KCNH7: variants seen among roughly 807,000 people sequenced by gnomAD.
KCNH7 encodes the protein voltage-gated inwardly rectifying potassium channel KCNH7.
Under a neutral mutation model 120.8 loss-of-function variants are expected in KCNH7, and 49 were observed. The observed-to-expected ratio is 0.41, with a 90% CI of 0.32 to 0.51. The LOEUF (loss-of-function observed/expected upper bound fraction) is 0.51. Ranked by LOEUF, KCNH7 falls within the 20% of genes least tolerant of loss-of-function variation. The pLI is 0.38. For missense variants in KCNH7, 1,097 were observed against 1,446.6 expected (o/e 0.76, Z 3.92); for synonymous variants, 547 against 516.1 (o/e 1.06, Z -0.81).
intron 2 of KCNH7, among the ~76,000 whole-genome samples, chr2:162,703,423 G>A (rs916768285): frequency 6.6e-6 from 1 of 152,008 alleles, no homozygotes; most frequent in African/African-American, 2.4e-5. Flanking sequence ...TTCCTCAAAG[G>A]GATAGAGTCC....
chr2:162,644,173 C>T (rs1684269631), intron 2 of KCNH7, among the ~76,000 whole-genome samples: 1 of 152,106 alleles, frequency 6.6e-6, no homozygotes, highest in Non-Finnish European at 1.5e-5. Context: ...AAAGACTGCG[C>T]TGTATCTGTG....
chr2:162,622,163 A>G (rs932798110), intron 2 of KCNH7, among the ~76,000 whole-genome samples: 1 of 152,192 alleles, frequency 6.6e-6, no homozygotes, highest in Non-Finnish European at 1.5e-5. Context: ...CAAATATACA[A>G]TACTTCTGTG....
At chr2:162,509,157 A>G (rs1168878179) in intron 5 of KCNH7, among the ~76,000 whole-genome samples, 2 of 151,574 alleles carry the variant, frequency 1.3e-5, no homozygotes, top group Non-Finnish European at 3.0e-5. Context: ...ATGAAGCTAG[A>G]GGCTAAAGCA....
intron 2 of KCNH7, among the ~76,000 whole-genome samples, chr2:162,672,870 G>A (rs946261627): frequency 6.6e-6 from 1 of 151,744 alleles, no homozygotes; most frequent in Non-Finnish European, 1.5e-5. Flanking sequence ...AATTAAGAAA[G>A]AAAAACAGCT....
intron 6 of KCNH7, among the ~76,000 whole-genome samples, chr2:162,481,754 C>T (rs1202574323): frequency 6.6e-6 from 1 of 152,158 alleles, no homozygotes; most frequent in Non-Finnish European, 1.5e-5. Flanking sequence ...ACATCATAAC[C>T]TTCTCTTATG....
At chr2:162,752,419 A>G (rs1286344414) in intron 2 of KCNH7, among the ~76,000 whole-genome samples, 1 of 152,216 alleles carries the variant, frequency 6.6e-6, no homozygotes, top group African/African-American at 2.4e-5. Context: ...TGTGTTATTG[A>G]AGAAGCAAAC....
chr2:162,494,469 A>G (rs1690427788), intron 6 of KCNH7, among the ~76,000 whole-genome samples: 1 of 152,270 alleles, frequency 6.6e-6, no homozygotes, highest in South Asian at 2.1e-4. Context: ...AGTTATTTCC[A>G]AAGTGATGTT....
chr2:162,394,856 C>T (rs1262157191), intron 11 of KCNH7, among the ~76,000 whole-genome samples: 6 of 151,800 alleles, frequency 4.0e-5, no homozygotes, highest in Admixed American at 3.9e-4. Context: ...CAGGCTTTAA[C>T]TGTGCAGGTT....
At chr2:162,707,700 C>G (rs1686764519) in intron 2 of KCNH7, among the ~76,000 whole-genome samples, 2 of 151,840 alleles carry the variant, frequency 1.3e-5, no homozygotes, top group African/African-American at 4.8e-5. Context: ...TATTAATATC[C>G]TCAAAAAATG....
intron 2 of KCNH7, among the ~76,000 whole-genome samples, chr2:162,753,277 T>G (rs1688670974): frequency 6.6e-6 from 1 of 152,160 alleles, no homozygotes; most frequent in African/African-American, 2.4e-5. Flanking sequence ...CTTGTTTAAT[T>G]TGGCCTAGTT....
intron 2 of KCNH7, among the ~76,000 whole-genome samples, chr2:162,685,351 A>G (rs1433416510): frequency 6.6e-6 from 1 of 152,120 alleles, no homozygotes; most frequent in Non-Finnish European, 1.5e-5. Flanking sequence ...TAATAAAAAA[A>G]AAGATATTTT....
chr2:162,395,168 A>T (rs1686873894), intron 11 of KCNH7, among the ~76,000 whole-genome samples: 2 of 151,816 alleles, frequency 1.3e-5, no homozygotes. Context: ...GGCTATCAGT[A>T]ATTTAGTTTT....
intron 10 of KCNH7, among the ~76,000 whole-genome samples, chr2:162,397,463 TA>T (rs1686947857): frequency 6.6e-6 from 1 of 151,928 alleles, no homozygotes; most frequent in East Asian, 1.9e-4. Context: ...AATCTGCCCT[TA>T]AAAAATATGC....
intron 2 of KCNH7, among the ~76,000 whole-genome samples, chr2:162,585,463 A>T (rs1367556947): frequency 6.6e-6 from 1 of 152,114 alleles, no homozygotes; most frequent in African/African-American, 2.4e-5. Context: ...CAAGTTTTAA[A>T]AATGTAGTAT....
intron 2 of KCNH7, among the ~76,000 whole-genome samples, chr2:162,722,870 T>C: frequency 7.0e-6 from 1 of 143,300 alleles, no homozygotes; most frequent in Non-Finnish European, 1.5e-5. Context: ...TCTTCAAATT[T>C]GCTGACTTTT....
intron 2 of KCNH7, among the ~76,000 whole-genome samples, chr2:162,703,663 T>C (rs1686593437): frequency 6.6e-6 from 1 of 152,158 alleles, no homozygotes; most frequent in Admixed American, 6.6e-5. Context: ...GGGGAAGGAA[T>C]TTTAAAACTG....
intron 2 of KCNH7, among the ~76,000 whole-genome samples, chr2:162,804,573 A>G (rs1178093263): frequency 1.3e-5 from 2 of 152,092 alleles, no homozygotes; most frequent in African/African-American, 2.4e-5. Flanking sequence ...TAGAACTACA[A>G]AGCACTGCTG....
At chr2:162,752,953 GAAAA>G (rs1688633013) in intron 2 of KCNH7, among the ~76,000 whole-genome samples, 1 of 106,932 alleles carries the variant, frequency 9.4e-6, no homozygotes, top group African/African-American at 5.9e-5. Flanking sequence ...GAAAAGAAAA[GAAAA>G]GAAAAGAAAA....
chr2:162,814,202 G>A (rs1684835498), intron 2 of KCNH7, among the ~76,000 whole-genome samples: 1 of 152,130 alleles, frequency 6.6e-6, no homozygotes, highest in Admixed American at 6.6e-5. Context: ...CAGGAAAGTT[G>A]GTTAGTCAGG....
Sources: gnomAD v4.1 joint callset for allele counts (sites outside exome capture counted in the v4.1 genomes callset) on GRCh38, gnomAD v4.1.1 for gene constraint, MANE v1.5 for transcripts, NCBI Gene and HGNC (gene_info 2026-07-23, HGNC 2026-07-21) for gene names.